DNAH1: variants seen among roughly 807,000 people sequenced by gnomAD.
DNAH1 encodes dynein axonemal heavy chain 1, also known as axonemal beta dynein heavy chain 1.
A neutral mutation model predicts 484.3 loss-of-function variants in DNAH1; 327 were observed. The observed-to-expected ratio is 0.68, with a 90% CI of 0.62 to 0.74. DNAH1 has a LOEUF of 0.74. DNAH1 is among the 30% of genes least tolerant of loss of function. DNAH1 has a pLI of 0.00. For synonymous variants in DNAH1, 2,192 were observed against 2,191.9 expected (o/e 1.00, Z 0.00); for missense variants, 5,052 against 5,546.8 (o/e 0.91, Z 2.83).
rs1486605571 is a variant in DNAH1 at position 52,358,846 on chromosome 3, C to T, written c.4266+109C>T. 7.5e-7 allele frequency: 1 copy of T among 1,329,756 alleles called. No individual in the cohort carries two copies. The highest frequency in any genetic ancestry group is 1.0e-6 in the Non-Finnish European group (1 of 964,842). The allele number at this position is 1,329,756 out of a possible 1,614,324, so 82.4% of individuals were successfully genotyped here. A position where few individuals can be genotyped will look rare whatever the true frequency, so the allele number is the denominator to read the frequency against. ...GTCCTCAGGCTGCAGCCCTGAGGTC[C>T]CTGGGGGCTCAGGCGGGATTCTGGA... On this transcript the variant is annotated intron_variant, in intron 25 of 77. Coordinates refer to ENST00000420323, the MANE Select transcript of DNAH1 (RefSeq NM_015512.5). The surrounding 1 kb of genome is among the most constrained non-coding windows in gnomAD (Gnocchi z 4.2).
intron 34 of DNAH1, among the ~76,000 whole-genome samples, chr3:52,365,407 C>T (rs1463088373): frequency 2.8e-4 from 42 of 152,248 alleles, no homozygotes; most frequent in Non-Finnish European, 1.5e-5. Flanking sequence ...CCAGAGGCCT[C>T]TTGGCTCCAC....
rs1445414596 is a variant in DNAH1 at position 52,382,462 on chromosome 3, C to T, written c.7941+7C>T. ...CCTCTTCTCAGACACCCAGGTGCCA[C>T]TGCCACAGCAGAGGGCAGGGCTCGG... On this transcript the variant is annotated splice_region_variant and intron_variant, in intron 50 of 77. Coordinates refer to ENST00000420323, the MANE Select transcript of DNAH1 (RefSeq NM_015512.5). The T allele has an allele frequency of 6.2e-7, 1 of 1,613,554 alleles. No individual in the cohort carries two copies.
Position 52,370,028 on chromosome 3 carries a change from G to C in DNAH1, c.6138+9G>C. ...TTGTCAGCTTCCTGGAGGTGAGTGA[G>C]GCCACGGGTATGTCTGACCCTGGCA... On this transcript the variant is annotated intron_variant, in intron 38 of 77. Transcript: ENST00000420323. The C allele has an allele frequency of 6.2e-7, 1 of 1,612,804 alleles. No homozygotes were observed.
chr3:52,343,091 G>C (rs1424348371), intron 8 of DNAH1, among the ~76,000 whole-genome samples: 1 of 152,182 alleles, frequency 6.6e-6, no homozygotes, highest in Non-Finnish European at 1.5e-5. Flanking sequence ...GAATAGGAGG[G>C]AGCCACTGTG....
intron 46 of DNAH1, among the ~76,000 whole-genome samples, chr3:52,377,629 C>T (rs575930590): frequency 5.3e-5 from 8 of 152,266 alleles, no homozygotes; most frequent in African/African-American, 1.9e-4. Context: ...CTGCTCATCC[C>T]CTCATTGCTG....
chr3:52,353,284 A>C lies in DNAH1; in HGVS notation c.3209A>C (p.Gln1070Pro). ...AFKTMHKCVK[Q>P]FKDMPACQEV... ...AAGACCATGCACAAGTGCGTGAAGC[A>C]GTTTAAGGACATGCCAGGTAGGGAG... is the stretch of plus-strand genomic sequence containing the variant. Residue 1070 changes from glutamine (Q) to proline (P), a missense_variant, in exon 19 of 78, where the codon CAG becomes CCG. Gln to Pro is a moderately conservative substitution (Grantham distance 76). This residue lies in a region of DNAH1 where 2,929 missense variants were observed against 3,409.4 expected (regional missense o/e 0.86). Transcript: ENST00000420323. This position sits in a 1 kb window ranked among gnomAD's most constrained non-coding sequence, Gnocchi z 5.0. 2 of 1,613,872 alleles carry C rather than the reference A, an allele frequency of 1.2e-6. No homozygotes were observed. The highest frequency in any genetic ancestry group is 1.7e-6 in the Non-Finnish European group (2 of 1,179,828).
At chr3:52,388,658 G>A in intron 58 of DNAH1, 49 bp downstream of exon 58, 1 of 1,610,696 alleles carries the variant, frequency 6.2e-7, no homozygotes, top group Non-Finnish European at 8.5e-7. Flanking sequence ...GGCCCAGACA[G>A]GGGCCAGAAA....
chr3:52,398,281 T>G, intron 75 of DNAH1, 119 bp downstream of exon 75: 1 of 1,302,460 alleles, frequency 7.7e-7, no homozygotes, highest in East Asian at 2.6e-5. Context: ...CTAACTCAGC[T>G]ATTTTTTGTT....
rs1439061286 is a variant in DNAH1 at position 52,383,555 on chromosome 3, G to T, written c.8111G>T (p.Gly2704Val). The T allele has an allele frequency of 6.2e-6, 10 of 1,609,456 alleles. No individual in the cohort carries two copies. The highest frequency in any genetic ancestry group is 8.5e-6 in the Non-Finnish European group (10 of 1,177,864). The stretch of plus-strand genomic sequence containing the variant: ...GCCAACCTCATGGCTGCTTACACAG[G>T]GCGTGTGCGCAGCAACATCCACATG... ...TKANLMAAYTGRVRSNIHMVL... is the reference protein window; with the variant it reads ...TKANLMAAYTVRVRSNIHMVL... Residue 2704 changes from glycine to valine, a missense_variant, in exon 51 of 78, where the codon GGG becomes GTG. By Grantham distance (109) the Gly-to-Val change is moderately radical. This residue lies in a region of DNAH1 where 2,929 missense variants were observed against 3,409.4 expected (regional missense o/e 0.86). Transcript: ENST00000420323.
rs978976444 is a variant in DNAH1, at chr3:52,388,793, G to A, written c.9364-13G>A. The A allele has an allele frequency of 2.5e-6, 4 of 1,612,714 alleles. No homozygotes were observed. Among genetic ancestry groups the A allele is most frequent in the Non-Finnish European group, 3.4e-6 (4 of 1,179,792 alleles). ...AGCCTCCCAGAGCCCACCCCACGGG[G>A]CTGCCCCTCCAGCTCATCAACGGGC... On this transcript the variant is annotated splice_polypyrimidine_tract_variant and intron_variant, in intron 58 of 77. Coordinates refer to ENST00000420323, the MANE Select transcript of DNAH1 (RefSeq NM_015512.5).
intron 1 of DNAH1, among the ~76,000 whole-genome samples, chr3:52,319,833 G>A (rs1208834624): frequency 6.6e-6 from 1 of 152,208 alleles, no homozygotes; most frequent in African/African-American, 2.4e-5. Context: ...GGGGAAACAG[G>A]TTCTGAGTTT....
chr3:52,320,488 A>T (rs1701105267), intron 1 of DNAH1, among the ~76,000 whole-genome samples: 1 of 152,118 alleles, frequency 6.6e-6, no homozygotes, highest in South Asian at 2.1e-4. Context: ...CTCACCACTC[A>T]CTTCTTAGAA....
chr3:52,356,922 G>C, intron 22 of DNAH1, 144 bp downstream of exon 22: 3 of 1,074,194 alleles, frequency 2.8e-6, no homozygotes, highest in Non-Finnish European at 3.9e-6. Flanking sequence ...ATGTCCTCCA[G>C]AGTGGGCTCC....
intron 44 of DNAH1, chr3:52,374,022 C>A (rs993874099): frequency 1.9e-6 from 2 of 1,028,900 alleles, no homozygotes; most frequent in African/African-American, 1.6e-5. Flanking sequence ...TCTAATATAG[C>A]GAAGAAATAT....
intron 50 of DNAH1, 99 bp from the exon 51 acceptor site, chr3:52,383,287 C>G: frequency 2.8e-6 from 3 of 1,080,178 alleles, no homozygotes. Context: ...CTTAGTGGTA[C>G]AGTCTGTCAA....
chr3:52,373,103 AG>A (rs769547998), intron 44 of DNAH1, 50 bp downstream of exon 44: 1 of 1,551,422 alleles, frequency 6.4e-7, no homozygotes, highest in Non-Finnish European at 8.7e-7. Flanking sequence ...CGTGCTGTGC[AG>A]GGGCACAGGA....
Position 52,361,797 on chromosome 3 carries a change from A to G in DNAH1, c.4980+31A>G, listed in dbSNP as rs1702871943. ...CCCGGGGGACCCACCTTACTCCCTCAGATCTGCCATACTCACGCCGCCATA... is the reference window on the plus strand; with the variant it reads ...CCCGGGGGACCCACCTTACTCCCTCGGATCTGCCATACTCACGCCGCCATA... On this transcript the variant is annotated intron_variant, in intron 30 of 77. Coordinates refer to ENST00000420323, the MANE Select transcript of DNAH1 (RefSeq NM_015512.5). The surrounding 1 kb of genome is among the most constrained non-coding windows in gnomAD (Gnocchi z 5.6). 6.4e-7 allele frequency: 1 copy of G among 1,569,954 alleles called. No homozygotes were observed. Among genetic ancestry groups the G allele is most frequent in the East Asian group, 2.4e-5 (1 of 42,406 alleles).
rs1389316178 is a variant in DNAH1, at chr3:52,334,232, A to G, written c.1286+1838A>G. On this transcript the variant is annotated intron_variant, in intron 8 of 77. Transcript: ENST00000420323. ...TGCAGGCAACTGTAACACAACGGCA[A>G]GTATTCATGTATCTAAACATAGAAA... Among the ~76,000 whole-genome samples the G allele has an allele frequency of 3.3e-5, 5 of 152,338 alleles. No individual in the cohort carries two copies. The East Asian group carries it at 5.8e-4, about 18-fold the overall frequency.
chr3:52,358,638 C>A lies in DNAH1; in HGVS notation c.4167C>A (p.Tyr1389Ter), dbSNP rs752041071. Residue 1389 changes from tyrosine (Y) to a stop codon, truncating the protein, a stop_gained, in exon 25 of 78, where the codon TAC (tyrosine) becomes TAA (stop). Coordinates refer to ENST00000420323, the MANE Select transcript of DNAH1 (RefSeq NM_015512.5). LOFTEE classifies it high-confidence loss of function. The surrounding 1 kb of genome is among the most constrained non-coding windows in gnomAD (Gnocchi z 4.2). The stretch of plus-strand genomic sequence containing the variant: ...AGGTACAGTTGTGCTTCTCCATCTA[C>A]CCCTCCAGCAACGTGGAGGACTGGC... ...GEEVQLCFSIYPSSNVEDWLR... is the reference protein window; with the variant it reads ...GEEVQLCFSI 3 of 1,613,342 alleles carry A rather than the reference C, an allele frequency of 1.9e-6. No individual in the cohort carries two copies. In the Admixed American group the frequency reaches 5.0e-5, roughly 27 times the overall value.
Sources: gnomAD v4.1 joint callset for allele counts (sites outside exome capture counted in the v4.1 genomes callset) on GRCh38, gnomAD v4.1.1 for gene constraint, gnomAD v4.1.1 regional missense constraint, Gnocchi (gnomAD v3.1) non-coding constraint, MANE v1.5 for transcripts, NCBI Gene and HGNC (gene_info 2026-07-23, HGNC 2026-07-21) for gene names.